BLTP3B: variants seen among roughly 807,000 people sequenced by gnomAD.
BLTP3B encodes bridge-like lipid transfer protein family member 3B, also known as UHRF1 (ICBP90) binding protein 1-like.
the BLTP3B span, among the ~76,000 whole-genome samples, chr12:100,044,621 G>T: frequency 6.6e-6 from 1 of 152,152 alleles, no homozygotes; most frequent in Non-Finnish European, 1.5e-5. Flanking sequence ...TACACCGAAA[G>T]TAACTAACGT....
chr12:100,058,387 TA>T, the BLTP3B span: 1 of 1,612,444 alleles, frequency 6.2e-7, no homozygotes, highest in Non-Finnish European at 8.5e-7. Context: ...AAATAGTCCA[TA>T]AAAGAAATGC....
At chr12:100,072,989 A>G in the BLTP3B span, among the ~76,000 whole-genome samples, 5 of 152,370 alleles carry the variant, frequency 3.3e-5, no homozygotes, top group African/African-American at 9.6e-5. Flanking sequence ...ACACCCATCA[A>G]CTATTCAGAA....
the BLTP3B span, among the ~76,000 whole-genome samples, chr12:100,077,508 C>T: frequency 6.6e-6 from 1 of 152,192 alleles, no homozygotes. Flanking sequence ...GGGGAACTGA[C>T]CAGCACATTG....
chr12:100,104,884 CAAAAAAAAAAAAAAAA>C, the BLTP3B span, among the ~76,000 whole-genome samples: 13 of 66,000 alleles, frequency 2.0e-4, no homozygotes, highest in African/African-American at 6.3e-4. Context: ...ACTGCTACTA[CAAAAAAAAAAAAAAAA>C]AAAAAAAAAA....
At chr12:100,070,201 TAAACA>T in the BLTP3B span, 57 of 1,553,926 alleles carry the variant, frequency 3.7e-5, no homozygotes, top group East Asian at 5.2e-4. Flanking sequence ...CACACACAGA[TAAACA>T]AAACAAAACA....
At chr12:100,059,651 T>A in the BLTP3B span, 4 of 1,233,920 alleles carry the variant, frequency 3.2e-6, no homozygotes, top group East Asian at 1.0e-4. Flanking sequence ...AATACTACTT[T>A]CCTATTAAGA....
At chr12:100,059,209 C>T in the BLTP3B span, 1 of 1,613,942 alleles carries the variant, frequency 6.2e-7, no homozygotes, top group Non-Finnish European at 8.5e-7. Context: ...ACATCCGTGG[C>T]AGCAGAAGTT....
the BLTP3B span, among the ~76,000 whole-genome samples, chr12:100,132,738 G>A: frequency 2.3e-5 from 3 of 132,860 alleles, no homozygotes; most frequent in African/African-American, 1.1e-4. Context: ...CTTGAGGCCA[G>A]GAGTCTTGAG....
chr12:100,045,960 C>T, the BLTP3B span, among the ~76,000 whole-genome samples: 1 of 152,130 alleles, frequency 6.6e-6, no homozygotes, highest in African/African-American at 2.4e-5. Context: ...ATGCAGCCAA[C>T]AGACATATGA....
chr12:100,078,192 G>A, the BLTP3B span, among the ~76,000 whole-genome samples: 484 of 150,300 alleles, frequency 3.2e-3, 2 homozygotes, highest in African/African-American at 0.011. Context: ...TCACAACAGT[G>A]AGTTCTCATA....
the BLTP3B span, among the ~76,000 whole-genome samples, chr12:100,061,381 G>A: frequency 3.3e-5 from 5 of 152,166 alleles, no homozygotes; most frequent in African/African-American, 9.7e-5. Context: ...ATGCAGGGCC[G>A]GCGCGGTGGC....
At chr12:100,047,904 A>G in the BLTP3B span, 32 of 1,397,526 alleles carry the variant, frequency 2.3e-5, no homozygotes, top group African/African-American at 4.5e-4. Context: ...CCAGATAAGG[A>G]AAAGGAACAT....
At chr12:100,082,753 T>A in the BLTP3B span, among the ~76,000 whole-genome samples, 1 of 125,516 alleles carries the variant, frequency 8.0e-6, no homozygotes, top group Admixed American at 7.1e-5. Flanking sequence ...GGTCTATGCA[T>A]CTGTTTTTGT....
chr12:100,042,917 A>G, the BLTP3B span, among the ~76,000 whole-genome samples: 2 of 152,182 alleles, frequency 1.3e-5, no homozygotes, highest in African/African-American at 4.8e-5. Flanking sequence ...CTCCTGCCTC[A>G]GCCTCCAGGG....
chr12:100,130,648 G>T, the BLTP3B span, among the ~76,000 whole-genome samples: 2 of 152,108 alleles, frequency 1.3e-5, no homozygotes, highest in Non-Finnish European at 2.9e-5. Flanking sequence ...GGGCGCGGTG[G>T]CTCATGCCTG....
the BLTP3B span, among the ~76,000 whole-genome samples, chr12:100,045,047 G>A: frequency 2.0e-5 from 3 of 152,180 alleles, no homozygotes; most frequent in South Asian, 6.2e-4. Context: ...TACAAGGGAA[G>A]TGAGGGACCT....
chr12:100,093,411 C>T, the BLTP3B span, among the ~76,000 whole-genome samples: 2 of 152,130 alleles, frequency 1.3e-5, no homozygotes, highest in African/African-American at 4.8e-5. Flanking sequence ...AAGTGATCTA[C>T]TATAAAAAAA....
At chr12:100,131,034 A>AGAGAGAGAGG in the BLTP3B span, among the ~76,000 whole-genome samples, 1 of 109,238 alleles carries the variant, frequency 9.2e-6, no homozygotes, top group East Asian at 3.0e-4. Context: ...AGAGAGAGAG[A>AGAGAGAGAGG]AAGAGTTTTT....
the BLTP3B span, among the ~76,000 whole-genome samples, chr12:100,138,424 G>C: frequency 6.6e-6 from 1 of 152,158 alleles, no homozygotes; most frequent in Non-Finnish European, 1.5e-5. Context: ...TCTCAATCTC[G>C]GAACTACTGA....
Sources: allele counts gnomAD v4.1 joint callset (sites outside exome capture counted in the v4.1 genomes callset), GRCh38; gene constraint gnomAD v4.1.1; transcripts MANE v1.5; gene names NCBI Gene and HGNC (gene_info 2026-07-23, HGNC 2026-07-21).